Variants in ZFHX3 observed in about 807,000 individuals in gnomAD.
ZFHX3 encodes the protein zinc finger homeobox 3.
In ZFHX3, 42 loss-of-function variants were observed where a neutral mutation model predicts 279.1. That is an observed-to-expected ratio of 0.15 (90% CI 0.12 to 0.19). ZFHX3 has a LOEUF of 0.19. ZFHX3 is among the 10% of genes least tolerant of loss of function. The probability of loss-of-function intolerance (pLI) is 1.00; values close to 1 mark genes in which losing one functional copy is unlikely to be tolerated. For missense variants in ZFHX3, 4,981 were observed against 4,754.0 expected (o/e 1.05, Z -1.40); for synonymous variants, 2,293 against 1,957.8 (o/e 1.17, Z -4.52).
At chr16:73,208,416 C>T (rs762171779) in intron 5 of ZFHX3, among the ~76,000 whole-genome samples, 2 of 149,564 alleles carry the variant, frequency 1.3e-5, no homozygotes, top group Non-Finnish European at 3.0e-5. Flanking sequence ...ACGTCATAGG[C>T]AGGATTATAC....
chr16:72,835,237 C>T (rs1263089849), intron 4 of ZFHX3, among the ~76,000 whole-genome samples: 1 of 152,214 alleles, frequency 6.6e-6, no homozygotes, highest in Non-Finnish European at 1.5e-5. Context: ...TCATGAACCA[C>T]AATCAAATCA....
chr16:73,473,298 T>C (rs1161114684), intron 2 of ZFHX3, among the ~76,000 whole-genome samples: 3 of 127,698 alleles, frequency 2.3e-5, no homozygotes, highest in Non-Finnish European at 4.6e-5. Flanking sequence ...GATTGTGTCA[T>C]GGCACTCCAG....
At chr16:73,399,220 G>C (rs2017195990) in intron 3 of ZFHX3, among the ~76,000 whole-genome samples, 2 of 152,082 alleles carry the variant, frequency 1.3e-5, no homozygotes, top group Non-Finnish European at 2.9e-5. Context: ...TTAAAGGGAA[G>C]GGATGGGAAC....
intron 1 of ZFHX3, among the ~76,000 whole-genome samples, chr16:73,686,241 C>G (rs1166288668): frequency 2.0e-5 from 3 of 152,004 alleles, no homozygotes; most frequent in African/African-American, 7.2e-5. Context: ...ATTACAGGTG[C>G]CCACCACCAC....
At chr16:73,433,897 T>G (rs534616484) in intron 3 of ZFHX3, among the ~76,000 whole-genome samples, 1 of 152,274 alleles carries the variant, frequency 6.6e-6, no homozygotes. Flanking sequence ...GAGGCTGCAC[T>G]GGGGTTATGT....
rs140842020 is a variant in ZFHX3, at chr16:73,396,214, A to G, written c.-1291+59789T>C. Among the ~76,000 whole-genome samples, 93 of 152,346 alleles carry G rather than the reference A, an allele frequency of 6.1e-4. 1 individual carries two copies. The highest frequency in any genetic ancestry group is 2.2e-3 in the African/African-American group (93 of 41,578). ...CCTTTCTAGTTTGTATGATGGGAAG[A>G]GGCTTATGCGGAGGAGAGGACAGAG... On this transcript the variant is annotated intron_variant, in intron 3 of 17. Transcript: ENST00000641206.
At chr16:73,033,991 A>G (rs1408484014) in intron 1 of ZFHX3, among the ~76,000 whole-genome samples, 1 of 152,166 alleles carries the variant, frequency 6.6e-6, no homozygotes, top group Non-Finnish European at 1.5e-5. Flanking sequence ...GCCAGCAGAC[A>G]GTTCTCCTTG....
chr16:73,016,835 A>G (rs530291336), intron 1 of ZFHX3, among the ~76,000 whole-genome samples: 123 of 152,132 alleles, frequency 8.1e-4, no homozygotes, highest in Non-Finnish European at 1.5e-3. Flanking sequence ...TCTCCCCATT[A>G]CAGCTGAAGC....
chr16:73,522,170 A>T (rs1006454936), intron 2 of ZFHX3, among the ~76,000 whole-genome samples: 7 of 152,216 alleles, frequency 4.6e-5, no homozygotes, highest in African/African-American at 1.7e-4. Context: ...ACCAGATTTT[A>T]AAAAATTAAT....
At chr16:72,927,340 T>C (rs1461789905) in intron 3 of ZFHX3, among the ~76,000 whole-genome samples, 2 of 152,100 alleles carry the variant, frequency 1.3e-5, no homozygotes, top group Non-Finnish European at 2.9e-5. Context: ...ACCCATCGAG[T>C]CTTTCCTTAA....
chr16:73,007,680 C>T (rs549585173), intron 1 of ZFHX3, among the ~76,000 whole-genome samples: 102 of 152,160 alleles, frequency 6.7e-4, no homozygotes, highest in African/African-American at 2.4e-3. Flanking sequence ...CTCCTGACCT[C>T]GTGATCCACC....
chr16:72,868,259 C>T (rs1286525750), intron 4 of ZFHX3, among the ~76,000 whole-genome samples: 1 of 152,060 alleles, frequency 6.6e-6, no homozygotes, highest in Non-Finnish European at 1.5e-5. Flanking sequence ...ACATCATTTT[C>T]ACCCTCCCTT....
intron 1 of ZFHX3, among the ~76,000 whole-genome samples, chr16:73,765,309 A>G (rs1273857415): frequency 6.6e-6 from 1 of 152,210 alleles, no homozygotes. Context: ...TCTTGTTTGA[A>G]TGGGAAACAT....
At chr16:73,389,699 C>G (rs1250416752) in intron 3 of ZFHX3, among the ~76,000 whole-genome samples, 1 of 152,214 alleles carries the variant, frequency 6.6e-6, no homozygotes, top group East Asian at 1.9e-4. Context: ...ATCTGATTTC[C>G]TATCATTTCC....
At chr16:73,280,232 A>G (rs2143058450) in intron 4 of ZFHX3, among the ~76,000 whole-genome samples, 1 of 152,342 alleles carries the variant, frequency 6.6e-6, no homozygotes, top group South Asian at 2.1e-4. Flanking sequence ...ACCGGCAACA[A>G]AAGCAAAAAT....
intron 2 of ZFHX3, among the ~76,000 whole-genome samples, chr16:73,630,872 A>G (rs1203879230): frequency 6.6e-6 from 1 of 152,208 alleles, no homozygotes; most frequent in Admixed American, 6.5e-5. Flanking sequence ...AAGGGTAGCT[A>G]TGCAATCGGG....
At position 73,249,744 on chromosome 16, in the gene ZFHX3, G is replaced by A. The variant is rs567974941; in HGVS notation, c.-1104+7303C>T. ...TGAAAATTCTACTGTTGTATCTTCA[G>A]CAAATAGTACTGACATATAAGTAAG... On this transcript the variant is annotated intron_variant, in intron 5 of 17. Coordinates refer to the ZFHX3 transcript ENST00000641206. Among the ~76,000 whole-genome samples the A allele has an allele frequency of 2.2e-4, 33 of 151,222 alleles. 1 individual carries two copies. Among genetic ancestry groups the A allele is most frequent in the Admixed American group, 5.3e-4 (8 of 15,154 alleles).
At position 72,798,141 on chromosome 16, in the gene ZFHX3, T is replaced by G. The variant is rs773458306; in HGVS notation, c.4541A>C (p.Gln1514Pro). The G allele has an allele frequency of 2.5e-6, 4 of 1,614,098 alleles. No individual in the cohort carries two copies. In the African/African-American group the frequency reaches 5.3e-5, roughly 22 times the overall value. The change falls in exon 9 of 10, where the codon CAA becomes CCA. Residue 1514 changes from glutamine to proline, a missense_variant. This residue lies in a region of ZFHX3 where 1,751 missense variants were observed against 1,770.0 expected (regional missense o/e 0.99). Coordinates refer to ENST00000268489, the MANE Select transcript of ZFHX3 (RefSeq NM_006885.4). ...CTTTGGCTCTGAGCCCGAGTCTTCT[T>G]GTACTGACCCAGAGTCACTGCCCGT... ...SPTGSDSGSVQEDSGSEPKRA... is the reference protein window; with the variant it reads ...SPTGSDSGSVPEDSGSEPKRA...
At chr16:73,289,992 A>T (rs978405259) in intron 4 of ZFHX3, among the ~76,000 whole-genome samples, 1 of 149,918 alleles carries the variant, frequency 6.7e-6, no homozygotes, top group Admixed American at 6.7e-5. Flanking sequence ...TGGAAGTGAT[A>T]GGTATTAATT....
Sources: allele counts gnomAD v4.1 joint callset (sites outside exome capture counted in the v4.1 genomes callset), GRCh38; gene constraint gnomAD v4.1.1; regional missense constraint gnomAD v4.1.1; transcripts MANE v1.5; gene names NCBI Gene and HGNC (gene_info 2026-07-23, HGNC 2026-07-21).